Variants in PPFIA2 observed in about 807,000 individuals in gnomAD.
The protein encoded by PPFIA2 is PPFI scaffold protein A2.
PPFIA2 carries 46 observed loss-of-function variants against 175.5 expected under a neutral mutation model. The ratio of observed to expected loss-of-function variants is 0.26; its 90% CI spans 0.21 to 0.34. The LOEUF (loss-of-function observed/expected upper bound fraction) is 0.34, where lower values mean the gene tolerates loss of function less well. PPFIA2 is among the 10% of genes least tolerant of loss of function. PPFIA2 has a pLI of 1.00. For missense variants in PPFIA2, 1,179 were observed against 1,506.1 expected (o/e 0.78, Z 3.60); for synonymous variants, 568 against 511.4 (o/e 1.11, Z -1.49).
chr12:81,636,863 G>A (rs1051072856), intron 4 of PPFIA2, among the ~76,000 whole-genome samples: 7 of 151,898 alleles, frequency 4.6e-5, no homozygotes, highest in Non-Finnish European at 7.4e-5. Context: ...ATGTGGGCCA[G>A]GCTGGTCTCA....
chr12:81,649,938 C>T (rs1416380627), intron 4 of PPFIA2, among the ~76,000 whole-genome samples: 1 of 152,034 alleles, frequency 6.6e-6, no homozygotes, highest in Admixed American at 6.6e-5. Flanking sequence ...GGGAATGTTC[C>T]ATATATTGAT....
At chr12:81,379,021 C>A (rs1331377735) in intron 9 of PPFIA2, among the ~76,000 whole-genome samples, 1 of 152,070 alleles carries the variant, frequency 6.6e-6, no homozygotes, top group Non-Finnish European at 1.5e-5. Context: ...ATTATGTACA[C>A]AATTAGATGA....
chr12:81,377,091 C>T (rs1393014970), intron 9 of PPFIA2, among the ~76,000 whole-genome samples: 2 of 151,392 alleles, frequency 1.3e-5, no homozygotes, highest in Non-Finnish European at 2.9e-5. Context: ...AGAGAAAATA[C>T]CAGAAGTAGT....
At chr12:81,330,558 T>C (rs2055901619) in intron 21 of PPFIA2, among the ~76,000 whole-genome samples, 1 of 152,146 alleles carries the variant, frequency 6.6e-6, no homozygotes, top group Non-Finnish European at 1.5e-5. Flanking sequence ...TATCTCCCCA[T>C]TTCCCAGTCC....
chr12:81,402,258 C>T (rs61934728), intron 8 of PPFIA2, among the ~76,000 whole-genome samples: 1 of 152,114 alleles, frequency 6.6e-6, no homozygotes, highest in African/African-American at 2.4e-5. Flanking sequence ...TCAATTTACA[C>T]ACTAACACTA....
intron 4 of PPFIA2, among the ~76,000 whole-genome samples, chr12:81,594,217 G>A (rs1003832748): frequency 6.6e-6 from 1 of 152,070 alleles, no homozygotes; most frequent in African/African-American, 2.4e-5. Flanking sequence ...CAGAAAACCA[G>A]TGTCTGGTGC....
chr12:81,297,424 C>T (rs907875100), intron 23 of PPFIA2, among the ~76,000 whole-genome samples: 3 of 151,630 alleles, frequency 2.0e-5, no homozygotes, highest in Admixed American at 6.6e-5. Context: ...ATGCCAACAA[C>T]GAAACTCTTT....
intron 19 of PPFIA2, 26 bp downstream of exon 19, chr12:81,344,638 A>G: frequency 6.7e-7 from 1 of 1,498,464 alleles, no homozygotes; most frequent in Non-Finnish European, 9.1e-7. Context: ...TTCAATTCGT[A>G]ATGATGTAAA....
intron 3 of PPFIA2, among the ~76,000 whole-genome samples, chr12:81,689,652 C>A (rs1163103321): frequency 6.6e-6 from 1 of 152,000 alleles, no homozygotes; most frequent in Admixed American, 6.6e-5. Flanking sequence ...TTTTCATCCA[C>A]TCAAGCTCCC....
chr12:81,305,350 G>A (rs527767657), intron 22 of PPFIA2, among the ~76,000 whole-genome samples: 1 of 152,064 alleles, frequency 6.6e-6, no homozygotes, highest in African/African-American at 2.4e-5. Context: ...CCTCCTTAAA[G>A]TAAACATTTA....
chr12:81,429,728 T>C (rs909161756), intron 7 of PPFIA2, among the ~76,000 whole-genome samples: 4 of 152,088 alleles, frequency 2.6e-5, no homozygotes, highest in Non-Finnish European at 4.4e-5. Context: ...TATTTGTATC[T>C]CTTCCTTTTG....
intron 4 of PPFIA2, among the ~76,000 whole-genome samples, chr12:81,527,496 T>TC (rs1448387475): frequency 5.3e-5 from 8 of 152,042 alleles, no homozygotes; most frequent in African/African-American, 1.9e-4. Flanking sequence ...GAACACATCC[T>TC]CCCCTCCCCC....
intron 4 of PPFIA2, among the ~76,000 whole-genome samples, chr12:81,499,864 A>T (rs1057426530): frequency 6.6e-6 from 1 of 152,040 alleles, no homozygotes; most frequent in African/African-American, 2.4e-5. Context: ...TTCATATGAG[A>T]TTCTGTGTCT....
At chr12:81,318,788 G>T (rs2139491010) in intron 22 of PPFIA2, among the ~76,000 whole-genome samples, 1 of 151,726 alleles carries the variant, frequency 6.6e-6, no homozygotes, top group Non-Finnish European at 1.5e-5. Context: ...TCTCCACAAA[G>T]ATTTAAAAAG....
At chr12:81,381,537 A>T (rs891692116) in intron 9 of PPFIA2, among the ~76,000 whole-genome samples, 4 of 152,142 alleles carry the variant, frequency 2.6e-5, no homozygotes, top group African/African-American at 9.7e-5. Context: ...GGGCCAAGAG[A>T]ATGAAGATGG....
chr12:81,405,361 A>G lies in PPFIA2; in HGVS notation c.762+426T>C, dbSNP rs149722622. Among the ~76,000 whole-genome samples the G allele has an allele frequency of 4.9e-4, 75 of 152,212 alleles. No homozygotes were observed. In the East Asian group the frequency reaches 0.014, roughly 27 times the overall value. ...AAACAACAAATAAGTTACCAATTGTATATTATATCACTTACAATTCAAAAG... is the reference window on the plus strand; with the variant it reads ...AAACAACAAATAAGTTACCAATTGTGTATTATATCACTTACAATTCAAAAG... On this transcript the variant is annotated intron_variant, in intron 8 of 32. Coordinates refer to ENST00000549396, the MANE Select transcript of PPFIA2 (RefSeq NM_003625.5).
chr12:81,485,795 G>A lies in PPFIA2; in HGVS notation c.304-27929C>T, dbSNP rs958946900. Among the ~76,000 whole-genome samples the A allele has an allele frequency of 5.9e-4, 90 of 151,738 alleles. 1 individual carries two copies. Among genetic ancestry groups the A allele is most frequent in the Admixed American group, 2.2e-3 (33 of 15,176 alleles). On this transcript the variant is annotated intron_variant, in intron 4 of 32. Transcript: ENST00000549396. ...TTGCAAAATATGAAAGTCTGAAACT[G>A]CAAATAATTTGACACCCTTTATTTA...
At chr12:81,393,886 C>T (rs891320909) in intron 8 of PPFIA2, among the ~76,000 whole-genome samples, 1 of 151,962 alleles carries the variant, frequency 6.6e-6, no homozygotes, top group Non-Finnish European at 1.5e-5. Context: ...CCTGAAGAAT[C>T]ACTTTGGTAG....
intron 4 of PPFIA2, among the ~76,000 whole-genome samples, chr12:81,574,158 A>C (rs1372534285): frequency 1.3e-5 from 2 of 151,868 alleles, no homozygotes; most frequent in African/African-American, 4.8e-5. Context: ...AATAACTTTC[A>C]CATTTCCTCT....
Sources: allele counts gnomAD v4.1 joint callset (sites outside exome capture counted in the v4.1 genomes callset), GRCh38; gene constraint gnomAD v4.1.1; transcripts MANE v1.5; gene names NCBI Gene and HGNC (gene_info 2026-07-23, HGNC 2026-07-21).